The following TTC6 variants were observed in gnomAD, a reference collection of about 807,000 sequenced individuals.
TTC6 encodes the protein tetratricopeptide repeat domain 6.
TTC6 carries 172 observed loss-of-function variants against 210.4 expected under a neutral mutation model. The ratio of observed to expected loss-of-function variants is 0.82; its 90% CI spans 0.72 to 0.93. The LOEUF (loss-of-function observed/expected upper bound fraction) is 0.93, where lower values mean the gene tolerates loss of function less well. TTC6 is among the 40% of genes least tolerant of loss of function. The probability of loss-of-function intolerance (pLI) is 0.00; values close to 1 mark genes in which losing one functional copy is unlikely to be tolerated. For synonymous variants in TTC6, 804 were observed against 819.6 expected (o/e 0.98, Z 0.32); for missense variants, 2,414 against 2,318.1 (o/e 1.04, Z -0.85).
intron 2 of TTC6, among the ~76,000 whole-genome samples, chr14:37,608,476 A>G (rs148662703): frequency 1.8e-4 from 28 of 151,930 alleles, no homozygotes; most frequent in African/African-American, 6.8e-4. Flanking sequence ...CACCTGGCTA[A>G]TTTTTTTGCC....
chr14:37,638,938 A>G (rs755264053), intron 1 of TTC6, among the ~76,000 whole-genome samples: 1 of 152,206 alleles, frequency 6.6e-6, no homozygotes. Flanking sequence ...AGACTAACCA[A>G]TACTTACTGT....
At chr14:37,827,776 A>G (rs1035421058) in intron 29 of TTC6, 1 of 154,138 alleles carries the variant, frequency 6.5e-6, no homozygotes, top group African/African-American at 2.4e-5. Flanking sequence ...ATGCTCCTTG[A>G]TATTTTATCC....
chr14:37,668,783 C>T (rs1566876110), intron 1 of TTC6, among the ~76,000 whole-genome samples: 1 of 152,082 alleles, frequency 6.6e-6, no homozygotes, highest in African/African-American at 2.4e-5. Context: ...ACCAGCAATC[C>T]ACTGAATTTT....
At chr14:37,786,130 A>G (rs1352642685) in intron 14 of TTC6, among the ~76,000 whole-genome samples, 1 of 152,176 alleles carries the variant, frequency 6.6e-6, no homozygotes, top group Non-Finnish European at 1.5e-5. Flanking sequence ...CCATGCTGGG[A>G]GAACCACTAC....
chr14:37,792,908 T>C (rs2096083754), intron 17 of TTC6, among the ~76,000 whole-genome samples: 1 of 152,018 alleles, frequency 6.6e-6, no homozygotes, highest in Admixed American at 6.6e-5. Flanking sequence ...TGTTTAAGTT[T>C]TATAAGTTGT....
At chr14:37,796,797 G>A in exon 20 of TTC6, 2 of 1,602,076 alleles carry the variant, frequency 1.2e-6, no homozygotes, top group Non-Finnish European at 1.7e-6. Flanking sequence ...GTCTCAGTGA[G>A]TTGAGTCCTA....
chr14:37,787,971 A>T (rs1209085014), intron 15 of TTC6, among the ~76,000 whole-genome samples: 1 of 151,136 alleles, frequency 6.6e-6, no homozygotes, highest in Non-Finnish European at 1.5e-5. Flanking sequence ...CTCTTTCTAT[A>T]ATATACTGGG....
intron 14 of TTC6, among the ~76,000 whole-genome samples, chr14:37,783,519 C>CT (rs1370288384): frequency 1.3e-5 from 2 of 151,924 alleles, no homozygotes; most frequent in Non-Finnish European, 2.9e-5. Flanking sequence ...ATTCTTCTTC[C>CT]TTTTTTTCTT....
intron 14 of TTC6, among the ~76,000 whole-genome samples, chr14:37,768,626 G>T (rs1285132770): frequency 6.6e-6 from 1 of 150,804 alleles, no homozygotes; most frequent in Non-Finnish European, 1.5e-5. Flanking sequence ...GTATAAGAAT[G>T]CTTGTGATTT....
At chr14:37,842,220 G>A in exon 31 of TTC6, 1 of 1,609,336 alleles carries the variant, frequency 6.2e-7, no homozygotes, top group Non-Finnish European at 8.5e-7. Context: ...TGGTAAAATA[G>A]GTCTGATTGA....
chr14:37,833,552 T>C (rs550581992), intron 29 of TTC6, among the ~76,000 whole-genome samples: 1 of 152,320 alleles, frequency 6.6e-6, no homozygotes, highest in East Asian at 1.9e-4. Flanking sequence ...TTATTATCCA[T>C]TCAGTCAGTC....
chr14:37,741,469 T>C (rs371316908), intron 10 of TTC6, among the ~76,000 whole-genome samples: 6 of 151,938 alleles, frequency 3.9e-5, no homozygotes, highest in African/African-American at 1.5e-4. Flanking sequence ...TTCGTATTTT[T>C]AGTAGAGACA....
chr14:37,755,792 T>G (rs754801932), intron 14 of TTC6, among the ~76,000 whole-genome samples: 2 of 152,154 alleles, frequency 1.3e-5, no homozygotes, highest in African/African-American at 4.8e-5. Flanking sequence ...AGTGTGATGC[T>G]TCCAGCTTTG....
At chr14:37,724,214 C>T (rs1486651366) in intron 6 of TTC6, among the ~76,000 whole-genome samples, 3 of 152,018 alleles carry the variant, frequency 2.0e-5, no homozygotes, top group Non-Finnish European at 2.9e-5. Flanking sequence ...TTCCATTTCT[C>T]TTCCTCCCTA....
At chr14:37,644,074 C>T (rs1462482359) in intron 1 of TTC6, among the ~76,000 whole-genome samples, 1 of 152,118 alleles carries the variant, frequency 6.6e-6, no homozygotes, top group African/African-American at 2.4e-5. Context: ...TAATTCATAT[C>T]AGCTGTCGCT....
At chr14:37,693,126 A>G (rs1185100333) in intron 3 of TTC6, among the ~76,000 whole-genome samples, 1 of 152,124 alleles carries the variant, frequency 6.6e-6, no homozygotes, top group Non-Finnish European at 1.5e-5. Context: ...TGCAGATGGT[A>G]TGATCTTATA....
intron 1 of TTC6, among the ~76,000 whole-genome samples, chr14:37,665,848 T>G (rs1286434680): frequency 6.7e-6 from 1 of 150,238 alleles, no homozygotes; most frequent in Non-Finnish European, 1.5e-5. Context: ...ATACTCAGAC[T>G]CCAAGGCTGC....
intron 7 of TTC6, among the ~76,000 whole-genome samples, chr14:37,734,870 A>G (rs533377135): frequency 6.6e-6 from 1 of 152,296 alleles, no homozygotes; most frequent in East Asian, 1.9e-4. Context: ...TTTGATATCT[A>G]TGAAGCACGG....
At chr14:37,689,351 G>T (rs985651278) in intron 3 of TTC6, among the ~76,000 whole-genome samples, 1 of 152,046 alleles carries the variant, frequency 6.6e-6, no homozygotes. Context: ...AAATCTAAGT[G>T]TTATTGGCCT....
Sources: allele counts gnomAD v4.1 joint callset (sites outside exome capture counted in the v4.1 genomes callset), GRCh38; gene constraint gnomAD v4.1.1; transcripts MANE v1.5; gene names NCBI Gene and HGNC (gene_info 2026-07-23, HGNC 2026-07-21).